KCTD16: variants seen among roughly 807,000 people sequenced by gnomAD.
The protein encoded by KCTD16 is BTB/POZ domain-containing protein KCTD16.
Under a neutral mutation model 33.2 loss-of-function variants are expected in KCTD16, and 13 were observed. The ratio of observed to expected loss-of-function variants is 0.39; its 90% CI spans 0.25 to 0.62. The LOEUF is 0.62. Ranked by LOEUF, KCTD16 falls within the 20% of genes least tolerant of loss-of-function variation. The pLI is 0.50. For missense variants in KCTD16, 441 were observed against 525.1 expected, an observed-to-expected ratio of 0.84 and a Z score of 1.57; for synonymous variants, 197 against 195.3, an observed-to-expected ratio of 1.01 and a Z score of -0.07.
At chr5:144,413,430 A>T (rs1310772580) in intron 3 of KCTD16, among the ~76,000 whole-genome samples, 2 of 152,224 alleles carry the variant, frequency 1.3e-5, no homozygotes, top group East Asian at 3.8e-4. Flanking sequence ...TTTATACAAG[A>T]TTTTTTAATC....
intron 3 of KCTD16, among the ~76,000 whole-genome samples, chr5:144,313,274 T>C (rs989249369): frequency 6.6e-6 from 1 of 152,164 alleles, no homozygotes; most frequent in Non-Finnish European, 1.5e-5. Flanking sequence ...ATGGGTCAGA[T>C]TCATATAGCA....
chr5:144,376,509 G>A (rs1229731340), intron 3 of KCTD16, among the ~76,000 whole-genome samples: 1 of 152,072 alleles, frequency 6.6e-6, no homozygotes, highest in African/African-American at 2.4e-5. Flanking sequence ...AAAATTGGAG[G>A]CTACTCTGTG....
At chr5:144,255,763 G>C (rs1022841863) in intron 3 of KCTD16, among the ~76,000 whole-genome samples, 15 of 152,278 alleles carry the variant, frequency 9.9e-5, no homozygotes, top group Admixed American at 9.2e-4. Flanking sequence ...ACTTCACTTT[G>C]CTCCAGACAA....
At chr5:144,181,411 C>G (rs1752623550) in intron 2 of KCTD16, among the ~76,000 whole-genome samples, 1 of 152,204 alleles carries the variant, frequency 6.6e-6, no homozygotes, top group East Asian at 1.9e-4. Flanking sequence ...CAGCAATTCC[C>G]TTTTGGGTCT....
In KCTD16 at chr5:144,207,499, A is replaced by G. The variant is rs1273288923; in HGVS notation, c.785A>G (p.Tyr262Cys). Residue 262 changes from tyrosine (Y) to cysteine (C), a missense_variant, in exon 3 of 4, where the codon TAT becomes TGT. Transcript: ENST00000512467. ...GTGACAGCATCTTTCATCAACCAATATACAGATGACAAGATCTGGTCAAGC... is the reference window on the plus strand; with the variant it reads ...GTGACAGCATCTTTCATCAACCAATGTACAGATGACAAGATCTGGTCAAGC... ...SSVTASFINQ[Y>C]TDDKIWSSYT... 6.2e-7 allele frequency: 1 copy of G among 1,614,006 alleles called. No individual in the cohort carries two copies. Among genetic ancestry groups the G allele is most frequent in the African/African-American group, 1.3e-5 (1 of 74,924 alleles).
intron 2 of KCTD16, among the ~76,000 whole-genome samples, chr5:144,195,889 T>C (rs893111419): frequency 2.0e-5 from 3 of 152,226 alleles, no homozygotes; most frequent in African/African-American, 4.8e-5. Flanking sequence ...GGTTGCTCTG[T>C]TGCTCTCATA....
intron 3 of KCTD16, among the ~76,000 whole-genome samples, chr5:144,242,303 T>C (rs988523241): frequency 1.3e-5 from 2 of 152,136 alleles, no homozygotes; most frequent in African/African-American, 4.8e-5. Context: ...TTAGCAAGTG[T>C]CTTTTTGTAG....
chr5:144,343,735 C>T (rs1250461815), intron 3 of KCTD16, among the ~76,000 whole-genome samples: 1 of 152,194 alleles, frequency 6.6e-6, no homozygotes, highest in Non-Finnish European at 1.5e-5. Flanking sequence ...AAATTTCCCT[C>T]TACACACTGC....
At chr5:144,227,457 C>T (rs1014077936) in intron 3 of KCTD16, among the ~76,000 whole-genome samples, 9 of 152,142 alleles carry the variant, frequency 5.9e-5, no homozygotes, top group Non-Finnish European at 1.0e-4. Flanking sequence ...AAAAGGGAGC[C>T]AGATTCTGTA....
intron 3 of KCTD16, among the ~76,000 whole-genome samples, chr5:144,320,968 G>T (rs1167785869): frequency 1.3e-5 from 2 of 152,082 alleles, no homozygotes; most frequent in African/African-American, 4.8e-5. Flanking sequence ...TGATTCTCCT[G>T]CCTCAGCCTC....
At chr5:144,319,313 A>G (rs1236126001) in intron 3 of KCTD16, among the ~76,000 whole-genome samples, 1 of 151,700 alleles carries the variant, frequency 6.6e-6, no homozygotes, top group Non-Finnish European at 1.5e-5. Context: ...ACGCAGACTC[A>G]CACAGCTAGT....
chr5:144,461,650 C>T (rs1292663180), intron 3 of KCTD16, among the ~76,000 whole-genome samples: 13 of 152,170 alleles, frequency 8.5e-5, no homozygotes, highest in Non-Finnish European at 4.4e-5. Flanking sequence ...ATGATCTGGT[C>T]GCTCTGTTGT....
At chr5:144,358,693 G>T (rs978934108) in intron 3 of KCTD16, among the ~76,000 whole-genome samples, 1 of 152,176 alleles carries the variant, frequency 6.6e-6, no homozygotes, top group African/African-American at 2.4e-5. Context: ...CACAGTTTGG[G>T]AGGATGGGAA....
intron 3 of KCTD16, among the ~76,000 whole-genome samples, chr5:144,292,158 A>G (rs1419704595): frequency 2.6e-5 from 4 of 152,244 alleles, no homozygotes; most frequent in Admixed American, 6.5e-5. Flanking sequence ...AAAATACTTA[A>G]GAGCACTTTT....
intron 3 of KCTD16, among the ~76,000 whole-genome samples, chr5:144,248,130 A>T (rs1210673928): frequency 6.6e-6 from 1 of 152,232 alleles, no homozygotes; most frequent in East Asian, 1.9e-4. Context: ...AATAATCAAA[A>T]TATACAGTAC....
In KCTD16 at chr5:144,434,206, G is replaced by A. The variant is rs1753528608; in HGVS notation, c.833-39454G>A. Among the ~76,000 whole-genome samples, 4 of 152,178 alleles carry A rather than the reference G, an allele frequency of 2.6e-5. No individual in the cohort carries two copies. In the East Asian group the frequency reaches 7.7e-4, roughly 29 times the overall value. On this transcript the variant is annotated intron_variant, in intron 3 of 3. Coordinates refer to ENST00000512467, the MANE Select transcript of KCTD16 (RefSeq NM_020768.4). Reference sequence around the variant, plus strand: ...TCGGACATAATTAACCTTGAAGACTGAGCTGACCGTGTGGGAAGATTTACC... The same window carrying A: ...TCGGACATAATTAACCTTGAAGACTAAGCTGACCGTGTGGGAAGATTTACC...
rs566347169 is a variant in KCTD16, at chr5:144,475,362, G to A, written c.*1248G>A. ...GATTTAGCTGTGTCATTTTTATGAT[G>A]TCTGTAACAACCCAACAAGGTAACT... On this transcript the variant is annotated 3_prime_UTR_variant, in exon 4 of 4. Transcript: ENST00000512467. The A allele has an allele frequency of 6.6e-6, 1 of 152,266 alleles. No homozygotes were observed. Among genetic ancestry groups the A allele is most frequent in the South Asian group, 2.1e-4 (1 of 4,826 alleles). The allele number at this position is 152,266 out of a possible 1,614,324, so 9.4% of individuals were successfully genotyped here. A position where few individuals can be genotyped will look rare whatever the true frequency, so the allele number is the denominator to read the frequency against.
intron 3 of KCTD16, among the ~76,000 whole-genome samples, chr5:144,247,649 T>G (rs1359590274): frequency 6.6e-6 from 1 of 152,178 alleles, no homozygotes; most frequent in Non-Finnish European, 1.5e-5. Context: ...ATTATAGTAA[T>G]TAATACCATG....
At chr5:144,418,918 A>T (rs778114046) in intron 3 of KCTD16, among the ~76,000 whole-genome samples, 4 of 152,132 alleles carry the variant, frequency 2.6e-5, no homozygotes, top group Admixed American at 2.6e-4. Context: ...ACCCATTAAC[A>T]TCATGGTTAT....
Sources: gnomAD v4.1 joint callset for allele counts (sites outside exome capture counted in the v4.1 genomes callset) on GRCh38, gnomAD v4.1.1 for gene constraint, MANE v1.5 for transcripts, NCBI Gene and HGNC (gene_info 2026-07-23, HGNC 2026-07-21) for gene names.